The following CUX1 variants were observed in gnomAD, a reference collection of about 807,000 sequenced individuals.
CUX1 encodes the protein cut like homeobox 1.
Under a neutral mutation model 158.8 loss-of-function variants are expected in CUX1, and 31 were observed. That is an observed-to-expected ratio of 0.20 (90% CI 0.15 to 0.26). CUX1 has a LOEUF of 0.26. CUX1 is among the 10% of genes least tolerant of loss of function. The probability of loss-of-function intolerance (pLI) is 1.00; values close to 1 mark genes in which losing one functional copy is unlikely to be tolerated. For synonymous variants in CUX1, 879 were observed against 862.1 expected (o/e 1.02, Z -0.34); for missense variants, 1,589 against 2,014.6 (o/e 0.79, Z 4.04).
chr7:102,231,262 C>T (rs1468835147), intron 21 of CUX1, among the ~76,000 whole-genome samples: 3 of 151,994 alleles, frequency 2.0e-5, no homozygotes, highest in African/African-American at 7.2e-5. Flanking sequence ...AATCTCCTGA[C>T]CTCGTGATCT....
chr7:101,902,421 C>T (rs1269506414), intron 1 of CUX1, among the ~76,000 whole-genome samples: 1 of 152,200 alleles, frequency 6.6e-6, no homozygotes, highest in East Asian at 1.9e-4. Flanking sequence ...AATATAATTG[C>T]CACTAGCTAC....
Position 102,027,351 on chromosome 7 carries a change from C to T in CUX1, c.142-747C>T, listed in dbSNP as rs1431149488. On this transcript the variant is annotated intron_variant, in intron 2 of 23. Coordinates refer to ENST00000292535, the MANE Select transcript of CUX1 (RefSeq NM_181552.4). ...TCTTGCCACTGCACTCCAGATTAGGCGACAGAGCGAGACTCCATCTCAAAA... is the reference window on the plus strand; with the variant it reads ...TCTTGCCACTGCACTCCAGATTAGGTGACAGAGCGAGACTCCATCTCAAAA... 4.6e-5 allele frequency among the ~76,000 whole-genome samples: 7 copies of T among 152,014 alleles called. No individual in the cohort carries two copies. In the East Asian group the frequency reaches 5.8e-4, roughly 13 times the overall value.
At chr7:101,976,082 G>A (rs892852148) in intron 2 of CUX1, among the ~76,000 whole-genome samples, 41 of 151,734 alleles carry the variant, frequency 2.7e-4, no homozygotes, top group African/African-American at 8.7e-4. Flanking sequence ...GCAGTGAGCC[G>A]AGATCACACC....
chr7:102,115,256 T>C lies in CUX1; in HGVS notation c.657T>C (p.Asp219=). The change falls in exon 8 of 24, where the codon GAT becomes GAC. Residue 219 remains aspartate (D), a synonymous_variant. Transcript: ENST00000292535. The part of the protein sequence containing the change: ...TELFDLKTKY[D]EETTAKADEI... ...TATTTGACCTGAAAACCAAATACGA[T>C]GAAGAAACTACTGCAAAGTAAGTCT... 3 of 1,610,506 alleles carry C rather than the reference T, an allele frequency of 1.9e-6. No individual in the cohort carries two copies. Among genetic ancestry groups the C allele is most frequent in the African/African-American group, 1.3e-5 (1 of 74,786 alleles).
chr7:102,171,085 C>T (rs1037733863), intron 10 of CUX1, among the ~76,000 whole-genome samples: 1 of 152,120 alleles, frequency 6.6e-6, no homozygotes, highest in African/African-American at 2.4e-5. Context: ...CTGAAATTAG[C>T]GCAAATGGCT....
intron 20 of CUX1, among the ~76,000 whole-genome samples, chr7:102,226,686 A>G (rs782256693): frequency 6.6e-6 from 1 of 152,116 alleles, no homozygotes; most frequent in Non-Finnish European, 1.5e-5. Flanking sequence ...GCTGGAGTGC[A>G]GTGGCACAAT....
intron 7 of CUX1, among the ~76,000 whole-genome samples, chr7:102,114,822 A>G (rs781814653): frequency 6.6e-6 from 1 of 152,182 alleles, no homozygotes; most frequent in Non-Finnish European, 1.5e-5. Context: ...TAAAGGTTGC[A>G]GTAAGCTGTG....
intron 2 of CUX1, among the ~76,000 whole-genome samples, chr7:101,967,729 A>G (rs1811410204): frequency 6.6e-6 from 1 of 152,220 alleles, no homozygotes; most frequent in Admixed American, 6.5e-5. Flanking sequence ...AAAGGTCCCC[A>G]GAAACATATA....
At position 102,193,921 on chromosome 7, in the gene CUX1, G is replaced by A. The variant is rs374632796; in HGVS notation, c.1125+31G>A. On this transcript the variant is annotated intron_variant, in intron 13 of 23. Transcript: ENST00000292535. ...TGTCTCACCTCAATGGTCAGCACTA[G>A]CATCAGCCCCGCTGCTGGTTACCAC... is the stretch of plus-strand genomic sequence containing the variant. 12 of 1,611,222 alleles carry A rather than the reference G, an allele frequency of 7.4e-6. No individual in the cohort carries two copies. The African/African-American group carries it at 1.3e-4, about 18-fold the overall frequency.
At chr7:102,133,503 T>G (rs1833556893) in intron 8 of CUX1, among the ~76,000 whole-genome samples, 1 of 125,520 alleles carries the variant, frequency 8.0e-6, no homozygotes, top group Non-Finnish European at 1.6e-5. Context: ...TGAGATGGAG[T>G]CTTGCCCTGT....
At chr7:102,197,779 C>T (rs527727497) in intron 15 of CUX1, among the ~76,000 whole-genome samples, 1 of 152,248 alleles carries the variant, frequency 6.6e-6, no homozygotes, top group South Asian at 2.1e-4. Context: ...CTCTTCCCAC[C>T]CCGCAGAAGA....
At chr7:102,157,846 C>T (rs1180451076) in intron 8 of CUX1, among the ~76,000 whole-genome samples, 2 of 152,112 alleles carry the variant, frequency 1.3e-5, no homozygotes, top group African/African-American at 2.4e-5. Context: ...GTTGGGTTCG[C>T]GTATTTGCCT....
chr7:102,133,027 G>A (rs1435321593), intron 8 of CUX1, among the ~76,000 whole-genome samples: 1 of 152,056 alleles, frequency 6.6e-6, no homozygotes, highest in African/African-American at 2.4e-5. Flanking sequence ...TTGACCCTCT[G>A]CCACCAGTAT....
At chr7:102,216,858 C>T (rs1797273015) in intron 20 of CUX1, among the ~76,000 whole-genome samples, 1 of 139,732 alleles carries the variant, frequency 7.2e-6, no homozygotes, top group Non-Finnish European at 1.5e-5. Flanking sequence ...CTCCCTCACA[C>T]ACACATTCTC....
chr7:101,845,596 G>T, intron 1 of CUX1, among the ~76,000 whole-genome samples: 1 of 152,204 alleles, frequency 6.6e-6, no homozygotes, highest in East Asian at 1.9e-4. Flanking sequence ...TGGCTGCCAG[G>T]ACAGTTAACA....
chr7:101,936,330 T>G (rs370246785), intron 2 of CUX1, among the ~76,000 whole-genome samples: 2 of 152,146 alleles, frequency 1.3e-5, no homozygotes, highest in African/African-American at 4.8e-5. Flanking sequence ...GCCCCAAGCT[T>G]GTTTTCAGGT....
At chr7:101,912,798 C>T (rs913213744) in intron 1 of CUX1, among the ~76,000 whole-genome samples, 11 of 152,150 alleles carry the variant, frequency 7.2e-5, no homozygotes, top group African/African-American at 2.4e-4. Context: ...GGGGCTAAAC[C>T]GACAGGGTAT....
chr7:102,011,855 G>A (rs1025888986), intron 2 of CUX1, among the ~76,000 whole-genome samples: 24 of 151,686 alleles, frequency 1.6e-4, no homozygotes, highest in African/African-American at 4.6e-4. Flanking sequence ...ACGGAATTTC[G>A]GTCTTGTCAC....
intron 10 of CUX1, among the ~76,000 whole-genome samples, chr7:102,174,511 AGGCCGCTGCTTCTCATCCAG>A (rs1325587525): frequency 6.6e-6 from 1 of 152,100 alleles, no homozygotes; most frequent in African/African-American, 2.4e-5. Flanking sequence ...ATGGACTGAC[AGGCCGCTGCTTCTCATCCAG>A]GCCCCCTGGA....
Sources: allele counts gnomAD v4.1 joint callset (sites outside exome capture counted in the v4.1 genomes callset), GRCh38; gene constraint gnomAD v4.1.1; transcripts MANE v1.5; gene names NCBI Gene and HGNC (gene_info 2026-07-23, HGNC 2026-07-21).